The following HSPA8 variants were observed in gnomAD, a reference collection of about 807,000 sequenced individuals.
The protein encoded by HSPA8 is heat shock cognate 71 kDa protein.
Under a neutral mutation model 52.8 loss-of-function variants are expected in HSPA8, and 2 were observed. The ratio of observed to expected loss-of-function variants is 0.04; its 90% CI spans 0.02 to 0.12. HSPA8 has a LOEUF of 0.12. Among genes scored for constraint, HSPA8 ranks in the 10% least tolerant of loss-of-function variants. HSPA8 has a pLI of 1.00. For synonymous variants in HSPA8, 436 were observed against 274.0 expected, an observed-to-expected ratio of 1.59 and a Z score of -5.84; for missense variants, 349 against 800.5, an observed-to-expected ratio of 0.44 and a Z score of 6.81.
At chr11:123,058,101 G>A (rs1865364265) in intron 8 of HSPA8, 151 bp downstream of exon 8, 1 of 708,754 alleles carries the variant, frequency 1.4e-6, no homozygotes, top group Admixed American at 2.8e-5. Flanking sequence ...AAGGAAGGTA[G>A]TTGCCAACAC....
In HSPA8 at chr11:123,060,675, T is replaced by C; in HGVS notation, c.329A>G (p.Glu110Gly). 6.2e-7 allele frequency: 1 copy of C among 1,613,662 alleles called. No individual in the cohort carries two copies. The highest frequency in any genetic ancestry group is 1.1e-5 in the South Asian group (1 of 91,066). Reference sequence around the variant, plus strand: ...CTCCTCTGGATAGAAGCTTTTGGTCTCTCCCTTGTATTCTACTTGGACCTT... The same window carrying C: ...CTCCTCTGGATAGAAGCTTTTGGTCCCTCCCTTGTATTCTACTTGGACCTT... ...RPKVQVEYKG[E>G]TKSFYPEEVS... The change falls in exon 3 of 9, where the codon GAG (glutamate) becomes GGG (glycine). Residue 110 changes from glutamate (E) to glycine (G), a missense_variant. Coordinates refer to ENST00000534624, the MANE Select transcript of HSPA8 (RefSeq NM_006597.6).
At chr11:123,061,960 TCGA>T (rs1005819213) in intron 1 of HSPA8, 101 bp downstream of exon 1, 1 of 153,432 alleles carries the variant, frequency 6.5e-6, no homozygotes, top group Admixed American at 6.3e-5. Context: ...CACACTCGCC[TCGA>T]CGAGATTCTC....
chr11:123,061,078 G>A (rs550092655), intron 2 of HSPA8, 42 bp downstream of exon 2: 2 of 1,537,900 alleles, frequency 1.3e-6, no homozygotes, highest in East Asian at 4.5e-5. Flanking sequence ...GTGCTTCCTA[G>A]CCCTGTTATA....
intron 2 of HSPA8, 95 bp from the exon 3 acceptor site, chr11:123,060,893 T>C: frequency 6.9e-6 from 8 of 1,160,508 alleles, no homozygotes; most frequent in Non-Finnish European, 1.0e-5. Flanking sequence ...AGTTCATAGG[T>C]AGGTGAATTC....
In HSPA8 at chr11:123,057,569, T is replaced by C; in HGVS notation, c.*165A>G. 1.8e-6 allele frequency: 1 copy of C among 562,774 alleles called. No individual in the cohort carries two copies. The allele number at this position is 562,774 out of a possible 1,614,324, so 34.9% of individuals were successfully genotyped here. ...AATACAGTGTTTATAAAGTGCAATG[T>C]TATTTCCTTCCCCTGTGCATATGTT... On this transcript the variant is annotated 3_prime_UTR_variant, in exon 9 of 9. Coordinates refer to ENST00000534624, the MANE Select transcript of HSPA8 (RefSeq NM_006597.6).
chr11:123,059,317 T>A, intron 5 of HSPA8, 56 bp from the exon 6 acceptor site: 2 of 1,493,020 alleles, frequency 1.3e-6, no homozygotes, highest in Middle Eastern at 1.7e-4. Context: ...AGTACATAGC[T>A]CCTGTTTTAA....
Position 123,057,770 on chromosome 11 carries a change from ACCACCAGAGGGAGGAGCT to A in HSPA8, c.1887_1904del (p.Pro631_Ala636del). The A allele has an allele frequency of 6.2e-7, 1 of 1,613,486 alleles. No homozygotes were observed. The highest frequency in any genetic ancestry group is 8.5e-7 in the Non-Finnish European group (1 of 1,179,684). On this transcript the variant is annotated inframe_deletion, in exon 9 of 9. Transcript: ENST00000534624. Reference sequence around the variant, plus strand: ...CTTCAATGGTGGGCCCTGAGGAAGCACCACCAGAGGGAGGAGCTCCACCACCAGGAAATCCCCCAGGCA... The same window carrying A: ...CTTCAATGGTGGGCCCTGAGGAAGCACCACCACCAGGAAATCCCCCAGGCA...
At position 123,058,833 on chromosome 11, in the gene HSPA8, T is replaced by C. The variant is rs752359934; in HGVS notation, c.1324-3A>G. 39 of 1,613,908 alleles carry C rather than the reference T, an allele frequency of 2.4e-5. 1 individual carries two copies. The highest frequency in any genetic ancestry group is 2.7e-5 in the Non-Finnish European group (32 of 1,179,816). On this transcript the variant is annotated splice_polypyrimidine_tract_variant and splice_region_variant and intron_variant, in intron 6 of 8. Coordinates refer to ENST00000534624, the MANE Select transcript of HSPA8 (RefSeq NM_006597.6). ...ATGGCACGCTCGCCTTCATAAACCT[T>C]GGTAGGAAATAAAACAAATTACTAC... is the stretch of plus-strand genomic sequence containing the variant.
chr11:123,057,946 C>G, intron 8 of HSPA8, 27 bp from the exon 9 acceptor site: 1 of 1,533,822 alleles, frequency 6.5e-7, no homozygotes, highest in Non-Finnish European at 8.9e-7. Flanking sequence ...GGAATTACTG[C>G]AAGTTCTTTT....
chr11:123,061,728 A>G, intron 1 of HSPA8: 1 of 227,514 alleles, frequency 4.4e-6, no homozygotes, highest in Admixed American at 5.2e-5. Flanking sequence ...GTGGGACTGG[A>G]CTAAGCAGGG....
intron 6 of HSPA8, 21 bp from the exon 7 acceptor site, chr11:123,058,851 A>T: frequency 6.2e-7 from 1 of 1,605,546 alleles, no homozygotes; most frequent in South Asian, 1.1e-5. Context: ...AATAAAACAA[A>T]TTACTACAAT....
At chr11:123,060,370 C>A in intron 3 of HSPA8, 102 bp from the exon 4 acceptor site, 2 of 1,148,696 alleles carry the variant, frequency 1.7e-6, no homozygotes, top group Non-Finnish European at 2.5e-6. Flanking sequence ...CTGGAGCACC[C>A]CCCCCACCAA....
Position 123,057,926 on chromosome 11 carries a change from A to G in HSPA8, c.1756-7T>C, listed in dbSNP as rs3763897. On this transcript the variant is annotated splice_polypyrimidine_tract_variant and splice_region_variant and intron_variant, in intron 8 of 8. Transcript: ENST00000534624. The stretch of plus-strand genomic sequence containing the variant: ...ATTCTTCCTTCTCAGCAGTCTGAGG[A>G]AGAGAAAAAGGAATTACTGCAAGTT... The G allele has an allele frequency of 6.3e-7, 1 of 1,589,018 alleles. No homozygotes were observed. Among genetic ancestry groups the G allele is most frequent in the Non-Finnish European group, 8.6e-7 (1 of 1,169,062 alleles).
At chr11:123,059,037 C>A (rs747326548) in intron 6 of HSPA8, 22 bp downstream of exon 6, 4 of 1,599,716 alleles carry the variant, frequency 2.5e-6, no homozygotes, top group Non-Finnish European at 3.4e-6. Flanking sequence ...GTAAGCCAAA[C>A]AAGAGAAGTA....
Position 123,062,065 on chromosome 11 carries a change from T to TG in HSPA8, c.-8dup, listed in dbSNP as rs1164494816. The TG allele has an allele frequency of 6.6e-6, 1 of 152,606 alleles. No individual in the cohort carries two copies. Among genetic ancestry groups the TG allele is most frequent in the East Asian group, 1.9e-4 (1 of 5,194 alleles). The allele number at this position is 152,606 out of a possible 1,614,324, so 9.5% of individuals were successfully genotyped here. ...CCAACTCTTGAGCAGAGGTTTTACC[T>TG]GGGGTGTAGGCCTGGCTCCAATAAC... On this transcript the variant is annotated splice_region_variant and 5_prime_UTR_variant, in exon 1 of 9. Transcript: ENST00000534624.
At chr11:123,061,860 A>C in intron 1 of HSPA8, 1 of 158,530 alleles carries the variant, frequency 6.3e-6, no homozygotes, top group South Asian at 1.6e-4. Flanking sequence ...ACTGCGGCCC[A>C]CTCCCTACAT....
chr11:123,059,400 T>TCG (rs1555074466), intron 5 of HSPA8, 73 bp downstream of exon 5: 1 of 1,426,774 alleles, frequency 7.0e-7, no homozygotes, highest in African/African-American at 1.4e-5. Context: ...CTACGAATGT[T>TCG]TAACAATCAC....
At position 123,060,170 on chromosome 11, in the gene HSPA8, A is replaced by G. The variant is rs1865449332; in HGVS notation, c.510T>C (p.Leu170=). The G allele has an allele frequency of 6.2e-7, 1 of 1,614,006 alleles. No homozygotes were observed. The highest frequency in any genetic ancestry group is 8.5e-7 in the Non-Finnish European group (1 of 1,180,008). ...DAGTIAGLNV[L]RIINEPTAAA... is the part of the protein sequence containing the mutation. The stretch of plus-strand genomic sequence containing the variant: ...CAGCAGTTGGCTCATTAATAATTCT[A>G]AGTACATTGAGACCAGCAATAGTTC... The change falls in exon 4 of 9, where the codon CTT becomes CTC. Residue 170 remains leucine, a synonymous_variant. Coordinates refer to ENST00000534624, the MANE Select transcript of HSPA8 (RefSeq NM_006597.6).
chr11:123,058,022 A>G, intron 8 of HSPA8, 103 bp from the exon 9 acceptor site: 1 of 918,646 alleles, frequency 1.1e-6, no homozygotes, highest in Non-Finnish European at 1.7e-6. Flanking sequence ...AAACTCTTAC[A>G]AGAGGGCCAC....
Sources: gnomAD v4.1 joint callset for allele counts on GRCh38, gnomAD v4.1.1 for gene constraint, MANE v1.5 for transcripts, NCBI Gene and HGNC (gene_info 2026-07-23, HGNC 2026-07-21) for gene names.